The following TMEM132C variants were observed in gnomAD, a reference collection of about 807,000 sequenced individuals.
TMEM132C encodes protein phosphatase 1, regulatory subunit 152.
In TMEM132C, 29 loss-of-function variants were observed where a neutral mutation model predicts 61.4. The observed-to-expected ratio is 0.47, with a 90% CI of 0.35 to 0.64. TMEM132C has a LOEUF of 0.64. Ranked by LOEUF, TMEM132C falls within the 30% of genes least tolerant of loss-of-function variation. The pLI is 0.00. For missense variants in TMEM132C, 1,408 were observed against 1,476.9 expected (o/e 0.95, Z 0.76); for synonymous variants, 656 against 633.1 (o/e 1.04, Z -0.54).
rs116275284 is a variant in TMEM132C at position 128,626,421 on chromosome 12, G to A, written c.1305+10086G>A. 8.1e-3 allele frequency among the ~76,000 whole-genome samples: 1,013 copies of A among 125,244 alleles called. 12 individuals are homozygous for A. Among genetic ancestry groups the A allele is most frequent in the African/African-American group, 0.036 (944 of 25,984 alleles). The allele number at this position is 125,244 out of a possible 152,430, so 82.2% of individuals were successfully genotyped here. A position where few individuals can be genotyped will look rare whatever the true frequency, so the allele number is the denominator to read the frequency against. ...TGGGATTATATGCATGAGCCACTGCGCCTGGCCTGTGCTGAACATTTTTAT... is the reference window on the plus strand; with the variant it reads ...TGGGATTATATGCATGAGCCACTGCACCTGGCCTGTGCTGAACATTTTTAT... On this transcript the variant is annotated intron_variant, in intron 4 of 8. Transcript: ENST00000435159.
At chr12:128,329,965 T>C (rs546152675) in intron 1 of TMEM132C, among the ~76,000 whole-genome samples, 17 of 152,302 alleles carry the variant, frequency 1.1e-4, no homozygotes, top group African/African-American at 4.1e-4. Context: ...CCTGTGTCCA[T>C]GTGTACATGT....
chr12:128,601,792 T>G (rs1876203925), intron 3 of TMEM132C, among the ~76,000 whole-genome samples: 1 of 152,152 alleles, frequency 6.6e-6, no homozygotes, highest in Non-Finnish European at 1.5e-5. Context: ...TTAATGGAAA[T>G]AACTTTTGTG....
chr12:128,671,991 A>T (rs1954536759), intron 5 of TMEM132C, among the ~76,000 whole-genome samples: 1 of 152,022 alleles, frequency 6.6e-6, no homozygotes, highest in African/African-American at 2.4e-5. Flanking sequence ...GAAATTTTAA[A>T]TTTTCTAATA....
chr12:128,369,314 GAAACTCATTTTATTATTAA>G (rs1473145489), intron 1 of TMEM132C, among the ~76,000 whole-genome samples: 1 of 151,948 alleles, frequency 6.6e-6, no homozygotes, highest in East Asian at 1.9e-4. Flanking sequence ...TGTTTTTTTA[GAAACTCATTTTATTATTAA>G]AAACTCATTT....
At chr12:128,303,389 A>G (rs1566049186) in intron 1 of TMEM132C, among the ~76,000 whole-genome samples, 1 of 152,178 alleles carries the variant, frequency 6.6e-6, no homozygotes, top group Non-Finnish European at 1.5e-5. Flanking sequence ...TAGTAAAGCA[A>G]TGTAGGGATC....
chr12:128,395,471 C>T (rs117599534), intron 1 of TMEM132C, among the ~76,000 whole-genome samples: 2,176 of 152,238 alleles, frequency 0.014, 19 homozygotes, highest in Non-Finnish European at 0.02. Context: ...GATGGGGTAA[C>T]GTGCTGATAA....
intron 1 of TMEM132C, among the ~76,000 whole-genome samples, chr12:128,369,323 TTTA>T (rs1390808903): frequency 6.6e-6 from 1 of 152,206 alleles, no homozygotes; most frequent in East Asian, 1.9e-4. Context: ...AGAAACTCAT[TTTA>T]TTATTAAAAA....
At chr12:128,546,997 G>T (rs993589119) in intron 3 of TMEM132C, among the ~76,000 whole-genome samples, 1 of 152,188 alleles carries the variant, frequency 6.6e-6, no homozygotes, top group Non-Finnish European at 1.5e-5. Flanking sequence ...CCGAGGTCAG[G>T]CCAGCGAGTG....
chr12:128,521,878 G>A (rs888642471), intron 2 of TMEM132C, among the ~76,000 whole-genome samples: 2 of 152,076 alleles, frequency 1.3e-5, no homozygotes, highest in Middle Eastern at 3.2e-3. Context: ...CCCTATCAAC[G>A]GCTTCTTGTT....
intron 2 of TMEM132C, among the ~76,000 whole-genome samples, chr12:128,422,957 G>C (rs988679014): frequency 6.6e-6 from 1 of 152,186 alleles, no homozygotes; most frequent in African/African-American, 2.4e-5. Context: ...TGTGGGCCTT[G>C]TGATGGTCCC....
chr12:128,666,325 GCACTCACACACA>G (rs1954474215), intron 4 of TMEM132C, among the ~76,000 whole-genome samples: 1 of 149,970 alleles, frequency 6.7e-6, no homozygotes, highest in Non-Finnish European at 1.5e-5. Flanking sequence ...AAACACGCAG[GCACTCACACACA>G]CAGGCACACA....
At chr12:128,360,561 C>T (rs2135971730) in intron 1 of TMEM132C, among the ~76,000 whole-genome samples, 1 of 152,284 alleles carries the variant, frequency 6.6e-6, no homozygotes, top group East Asian at 1.9e-4. Flanking sequence ...GTCTCCCATC[C>T]TTGCTCCTTA....
intron 3 of TMEM132C, among the ~76,000 whole-genome samples, chr12:128,566,870 A>G (rs916644589): frequency 2.0e-5 from 3 of 152,210 alleles, no homozygotes; most frequent in African/African-American, 7.2e-5. Flanking sequence ...AATAGTGATG[A>G]CATTAATAGC....
chr12:128,464,683 C>G (rs569962893), intron 2 of TMEM132C, among the ~76,000 whole-genome samples: 15 of 152,126 alleles, frequency 9.9e-5, no homozygotes, highest in South Asian at 6.2e-4. Flanking sequence ...GAGGACCTCT[C>G]AAGTCCAGGA....
intron 2 of TMEM132C, among the ~76,000 whole-genome samples, chr12:128,425,543 A>AGTG (rs574526024): frequency 2.7e-4 from 41 of 152,340 alleles, no homozygotes; most frequent in African/African-American, 9.9e-4. Flanking sequence ...AGGATGCATT[A>AGTG]GCTCCCTGCG....
At chr12:128,587,167 C>G (rs1391743121) in intron 3 of TMEM132C, among the ~76,000 whole-genome samples, 1 of 152,180 alleles carries the variant, frequency 6.6e-6, no homozygotes, top group African/African-American at 2.4e-5. Context: ...CCTTATTGCC[C>G]AAAGTATTAC....
intron 4 of TMEM132C, among the ~76,000 whole-genome samples, chr12:128,628,628 A>G (rs1250520373): frequency 6.6e-6 from 1 of 152,008 alleles, no homozygotes; most frequent in Non-Finnish European, 1.5e-5. Flanking sequence ...CGGACACTCT[A>G]TCAGTAGCTT....
intron 4 of TMEM132C, among the ~76,000 whole-genome samples, chr12:128,666,376 A>G (rs1263989942): frequency 6.6e-6 from 1 of 152,166 alleles, no homozygotes. Context: ...CCTTCATGAG[A>G]CACTGAATCT....
In TMEM132C at chr12:128,705,191, C is replaced by T. The variant is rs533378065; in HGVS notation, c.2223C>T (p.Asp741=). The change falls in exon 9 of 9, where the codon GAC becomes GAT. Residue 741 remains aspartate (D), a synonymous_variant. Transcript: ENST00000435159. ...TCTCCCTGGCAGCCACCTCCCAGGA[C>T]GAGGCTGTCGTGTCAGTCCCCCAGC... ...KDFSLAATSQ[D]EAVVSVPQPR... 2.0e-5 allele frequency: 31 copies of T among 1,551,712 alleles called. No individual in the cohort carries two copies. Among genetic ancestry groups the T allele is most frequent in the South Asian group, 1.1e-4 (9 of 84,064 alleles).
Sources: gnomAD v4.1 joint callset for allele counts (sites outside exome capture counted in the v4.1 genomes callset) on GRCh38, gnomAD v4.1.1 for gene constraint, MANE v1.5 for transcripts, NCBI Gene and HGNC (gene_info 2026-07-23, HGNC 2026-07-21) for gene names.